The following FBXO34 variants were observed in gnomAD, a reference collection of about 807,000 sequenced individuals.
The protein encoded by FBXO34 is F-box only protein 34.
FBXO34 carries 12 observed loss-of-function variants against 24.5 expected under a neutral mutation model. The ratio of observed to expected loss-of-function variants is 0.49; its 90% CI spans 0.31 to 0.79. The LOEUF is 0.79. Among genes scored for constraint, FBXO34 ranks in the 30% least tolerant of loss-of-function variants. The probability of loss-of-function intolerance (pLI) is 0.04; values close to 1 mark genes in which losing one functional copy is unlikely to be tolerated. For missense variants in FBXO34, 823 were observed against 857.7 expected, an observed-to-expected ratio of 0.96 and a Z score of 0.51; for synonymous variants, 320 against 311.9, an observed-to-expected ratio of 1.03 and a Z score of -0.27.
At chr14:55,429,055 T>C in the FBXO34 span, 5 of 1,514,484 alleles carry the variant, frequency 3.3e-6, no homozygotes, top group East Asian at 9.0e-5. Context: ...ATTGTTACCA[T>C]TTGTACCACG....
downstream of FBXO34, among the ~76,000 whole-genome samples, chr14:55,362,343 A>G (rs919261298): frequency 1.3e-5 from 2 of 152,344 alleles, no homozygotes; most frequent in Admixed American, 6.5e-5. Context: ...ACTGATCACC[A>G]TAACAGATAT....
At chr14:55,340,979 A>G (rs557959406) in intron 1 of FBXO34, among the ~76,000 whole-genome samples, 9 of 152,350 alleles carry the variant, frequency 5.9e-5, no homozygotes, top group Admixed American at 3.9e-4. Context: ...ATATTTTTAA[A>G]AAATTTATGT....
intron 1 of FBXO34, among the ~76,000 whole-genome samples, chr14:55,278,235 GTACATTCAGTTTGTGA>G: frequency 6.6e-6 from 1 of 152,186 alleles, no homozygotes; most frequent in Non-Finnish European, 1.5e-5. Context: ...TGAGTCTGCA[GTACATTCAGTTTGTGA>G]GGAACTGAAC....
At chr14:55,424,241 T>C in the FBXO34 span, 1 of 1,611,614 alleles carries the variant, frequency 6.2e-7, no homozygotes, top group Non-Finnish European at 8.5e-7. Flanking sequence ...CAGGAAACAG[T>C]TCAGGCTCGT....
chr14:55,442,799 G>A, the FBXO34 span, among the ~76,000 whole-genome samples: 1 of 152,030 alleles, frequency 6.6e-6, no homozygotes, highest in Non-Finnish European at 1.5e-5. Flanking sequence ...AGACTGAATT[G>A]TTTCCCCCCA....
chr14:55,323,565 T>C (rs1172265894), intron 1 of FBXO34, among the ~76,000 whole-genome samples: 1 of 151,798 alleles, frequency 6.6e-6, no homozygotes, highest in Non-Finnish European at 1.5e-5. Context: ...GCATTTTTAG[T>C]AGAGACGGAG....
chr14:55,374,068 G>A (rs114602895), downstream of FBXO34, among the ~76,000 whole-genome samples: 154 of 152,288 alleles, frequency 1.0e-3, no homozygotes, highest in African/African-American at 3.6e-3. Context: ...CTTCAGACCC[G>A]CTACAAAAAT....
intron 1 of FBXO34, among the ~76,000 whole-genome samples, chr14:55,333,025 A>T (rs1166944654): frequency 6.6e-6 from 1 of 152,194 alleles, no homozygotes; most frequent in Admixed American, 6.5e-5. Flanking sequence ...CTTCCAGCTC[A>T]GGTGCTGTTA....
intron 1 of FBXO34, among the ~76,000 whole-genome samples, chr14:55,315,094 A>G (rs1310751802): frequency 6.6e-6 from 1 of 152,228 alleles, no homozygotes; most frequent in Non-Finnish European, 1.5e-5. Flanking sequence ...AACATTGCTT[A>G]GACTAGTATT....
chr14:55,417,271 G>T, the FBXO34 span, among the ~76,000 whole-genome samples: 2 of 152,052 alleles, frequency 1.3e-5, no homozygotes, highest in African/African-American at 4.8e-5. Context: ...AACATTGCCA[G>T]TATTTGTAAC....
Position 55,350,665 on chromosome 14 carries a change from C to G in FBXO34, c.275C>G (p.Pro92Arg). 6.2e-7 allele frequency: 1 copy of G among 1,613,912 alleles called. No homozygotes were observed. Among genetic ancestry groups the G allele is most frequent in the Non-Finnish European group, 8.5e-7 (1 of 1,179,968 alleles). ...AATGTTAAAACCAAAAAGAATGCACCATCTGCAACGATCCACCAGGGCGAA... is the reference window on the plus strand; with the variant it reads ...AATGTTAAAACCAAAAAGAATGCACGATCTGCAACGATCCACCAGGGCGAA... ...SLNVKTKKNA[P>R]SATIHQGEEE... The change falls in exon 2 of 2, where the codon CCA (proline) becomes CGA (arginine). Residue 92 changes from proline (P) to arginine (R), a missense_variant. Physicochemically the swap from Pro to Arg is moderately radical, Grantham distance 103. Transcript: ENST00000313833.
the FBXO34 span, among the ~76,000 whole-genome samples, chr14:55,410,920 G>GCTCT: frequency 0.29 from 43,914 of 151,924 alleles, 6,422 homozygotes; most frequent in East Asian, 0.49. Flanking sequence ...AGAACTTGTA[G>GCTCT]CTGTTTAGAT....
intron 1 of FBXO34, among the ~76,000 whole-genome samples, chr14:55,294,229 G>T (rs1276292811): frequency 2.6e-5 from 4 of 152,140 alleles, no homozygotes; most frequent in Non-Finnish European, 5.9e-5. Context: ...CTACCAGAAT[G>T]TTAGTTCCTT....
chr14:55,359,476 AAAC>A (rs1304544528), intron 3 of FBXO34, among the ~76,000 whole-genome samples: 1 of 152,236 alleles, frequency 6.6e-6, no homozygotes, highest in Non-Finnish European at 1.5e-5. Flanking sequence ...TATGTCTAAA[AAAC>A]AATGTACATT....
chr14:55,427,491 T>C, the FBXO34 span, among the ~76,000 whole-genome samples: 1 of 152,198 alleles, frequency 6.6e-6, no homozygotes, highest in Non-Finnish European at 1.5e-5. Flanking sequence ...ATCTACTCTA[T>C]TGACGGGATA....
rs575311905 is a variant in FBXO34 at position 55,344,943 on chromosome 14, C to T, written c.-10-5438C>T. On this transcript the variant is annotated intron_variant, in intron 1 of 1. Transcript: ENST00000313833. ...TGCTTTTCTGTCTCAAGGGCAGCAA[C>T]GATGTTTTACTCATATTTATACCAG... Among the ~76,000 whole-genome samples, 14 of 151,238 alleles carry T rather than the reference C, an allele frequency of 9.3e-5. No individual in the cohort carries two copies. In the South Asian group the frequency reaches 1.3e-3, roughly 14 times the overall value.
chr14:55,345,334 C>G (rs1884124675), intron 1 of FBXO34, among the ~76,000 whole-genome samples: 1 of 152,174 alleles, frequency 6.6e-6, no homozygotes. Context: ...CTTGTCATCT[C>G]TCTACTCTTA....
intron 1 of FBXO34, among the ~76,000 whole-genome samples, chr14:55,337,074 C>T (rs1388521808): frequency 2.0e-5 from 3 of 151,548 alleles, no homozygotes; most frequent in South Asian, 4.2e-4. Flanking sequence ...CTCCTGGACT[C>T]GAGATCCTCT....
intron 1 of FBXO34, among the ~76,000 whole-genome samples, chr14:55,320,347 A>G (rs1883087324): frequency 6.6e-6 from 1 of 152,240 alleles, no homozygotes; most frequent in Non-Finnish European, 1.5e-5. Flanking sequence ...TTCTCAGCCT[A>G]GATGGGAAAG....
Sources: allele counts gnomAD v4.1 joint callset (sites outside exome capture counted in the v4.1 genomes callset), GRCh38; gene constraint gnomAD v4.1.1; transcripts MANE v1.5; gene names NCBI Gene and HGNC (gene_info 2026-07-23, HGNC 2026-07-21).